PTPRD: variants seen among roughly 807,000 people sequenced by gnomAD.
The protein encoded by PTPRD is receptor-type tyrosine-protein phosphatase delta.
In PTPRD, 34 loss-of-function variants were observed where a neutral mutation model predicts 214.5. That is an observed-to-expected ratio of 0.16 (90% confidence interval 0.12 to 0.21). PTPRD has a LOEUF of 0.21. PTPRD is among the 10% of genes least tolerant of loss of function. The probability of loss-of-function intolerance (pLI) is 1.00; values close to 1 mark genes in which losing one functional copy is unlikely to be tolerated. For missense variants in PTPRD, 2,545 were observed against 2,398.7 expected (o/e 1.06, Z -1.27); for synonymous variants, 1,128 against 845.7 (o/e 1.33, Z -5.79).
intron 11 of PTPRD, among the ~76,000 whole-genome samples, chr9:8,850,726 A>G (rs1601848108): frequency 6.6e-6 from 1 of 152,204 alleles, no homozygotes; most frequent in African/African-American, 2.4e-5. Flanking sequence ...TCAACCAGAG[A>G]AGTCTGAATT....
At chr9:9,184,572 A>G (rs902601161) in intron 9 of PTPRD, among the ~76,000 whole-genome samples, 1 of 152,070 alleles carries the variant, frequency 6.6e-6, no homozygotes, top group Non-Finnish European at 1.5e-5. Flanking sequence ...TAGGACATCT[A>G]TTGGCACTGC....
chr9:10,271,534 C>CTTTTTTTTTTTTTTTTTTTTT (rs1251429330), intron 3 of PTPRD, among the ~76,000 whole-genome samples: 1 of 86,572 alleles, frequency 1.2e-5, no homozygotes, highest in African/African-American at 3.1e-5. Flanking sequence ...TCAATTGTTT[C>CTTTTTTTTTTTTTTTTTTTTT]TTTTCTTTTC....
chr9:9,298,616 A>T (rs187528965), intron 9 of PTPRD, among the ~76,000 whole-genome samples: 8 of 151,924 alleles, frequency 5.3e-5, no homozygotes, highest in Admixed American at 1.3e-4. Context: ...ATGATAACCA[A>T]ATCAGTAGAG....
chr9:10,481,238 A>G (rs1265127779), intron 2 of PTPRD, among the ~76,000 whole-genome samples: 1 of 152,178 alleles, frequency 6.6e-6, no homozygotes. Flanking sequence ...AATGAATGTC[A>G]TTTGGGTGAG....
chr9:10,265,165 G>A (rs1321950193), intron 3 of PTPRD, among the ~76,000 whole-genome samples: 1 of 152,118 alleles, frequency 6.6e-6, no homozygotes, highest in African/African-American at 2.4e-5. Flanking sequence ...TTTAGTCAAT[G>A]AGAAAATAGC....
At chr9:8,475,949 C>T (rs923226970) in intron 30 of PTPRD, among the ~76,000 whole-genome samples, 1 of 152,268 alleles carries the variant, frequency 6.6e-6, no homozygotes, top group Non-Finnish European at 1.5e-5. Context: ...ATTTGTTCTG[C>T]CATTTCCACT....
intron 2 of PTPRD, among the ~76,000 whole-genome samples, chr9:10,502,954 A>T (rs1199495784): frequency 1.3e-5 from 2 of 152,054 alleles, no homozygotes; most frequent in Non-Finnish European, 2.9e-5. Flanking sequence ...CAGTATCTGT[A>T]TTCTTTCCAT....
intron 3 of PTPRD, among the ~76,000 whole-genome samples, chr9:10,261,039 GTA>G (rs1462979208): frequency 7.0e-6 from 1 of 143,238 alleles, no homozygotes; most frequent in East Asian, 2.0e-4. Context: ...TTATATATGT[GTA>G]TATATATTAT....
At chr9:9,758,295 G>A (rs2382052) in intron 6 of PTPRD, among the ~76,000 whole-genome samples, 24,164 of 151,132 alleles carry the variant, frequency 0.16, 2,903 homozygotes, top group East Asian at 0.38. Context: ...TATTTTTATT[G>A]ATGTTTACTT....
intron 11 of PTPRD, among the ~76,000 whole-genome samples, chr9:8,998,804 G>T (rs1285351136): frequency 1.3e-5 from 2 of 150,128 alleles, no homozygotes; most frequent in African/African-American, 2.5e-5. Flanking sequence ...ATGGGTTAAG[G>T]CCAAAATATC....
chr9:9,080,096 G>A (rs1277730469), intron 10 of PTPRD, among the ~76,000 whole-genome samples: 3 of 151,910 alleles, frequency 2.0e-5, no homozygotes, highest in Middle Eastern at 3.2e-3. Context: ...CATAGTTATT[G>A]TCTATTGAGC....
At chr9:8,560,896 G>C (rs898718356) in intron 14 of PTPRD, among the ~76,000 whole-genome samples, 1 of 150,092 alleles carries the variant, frequency 6.7e-6, no homozygotes, top group Non-Finnish European at 1.5e-5. Context: ...TTTAGCCTAA[G>C]TGTAAATAAA....
intron 11 of PTPRD, among the ~76,000 whole-genome samples, chr9:9,015,522 T>C (rs968209276): frequency 1.3e-5 from 2 of 152,130 alleles, no homozygotes; most frequent in African/African-American, 4.8e-5. Flanking sequence ...GAAATAACCA[T>C]AAAAATGGGC....
At chr9:9,366,033 G>T (rs568221985) in intron 9 of PTPRD, among the ~76,000 whole-genome samples, 18 of 151,304 alleles carry the variant, frequency 1.2e-4, no homozygotes, top group Non-Finnish European at 2.4e-4. Context: ...TTCTGCCATT[G>T]AAGTTATCAA....
In PTPRD at chr9:8,449,822, G is replaced by A. The variant is rs377680593; in HGVS notation, c.3891C>T (p.Ser1297=). Reference sequence around the variant, plus strand: ...TCGGTATGCTGCTTTTTCTAGAGTCGGACTCTGCCCTCTTCCTATAGGGGG... The same window carrying A: ...TCGGTATGCTGCTTTTTCTAGAGTCAGACTCTGCCCTCTTCCTATAGGGGG... ...ILLYKRKRAE[S]DSRKSSIPNN... Residue 1297 remains serine, a synonymous_variant, in exon 34 of 46, where the codon TCC becomes TCT. Transcript: ENST00000381196. The A allele has an allele frequency of 3.3e-5, 54 of 1,613,724 alleles. No homozygotes were observed. The African/African-American group carries it at 4.1e-4, about 12-fold the overall frequency.
intron 9 of PTPRD, among the ~76,000 whole-genome samples, chr9:9,311,115 C>G (rs142114540): frequency 6.6e-6 from 1 of 151,726 alleles, no homozygotes; most frequent in East Asian, 1.9e-4. Context: ...AAAAGGCAAA[C>G]GCCAGCAATT....
At chr9:10,135,039 C>A (rs1243014560) in intron 3 of PTPRD, among the ~76,000 whole-genome samples, 1 of 152,114 alleles carries the variant, frequency 6.6e-6, no homozygotes, top group Non-Finnish European at 1.5e-5. Context: ...CCAAATTGAA[C>A]TCCTGGAATT....
At chr9:9,900,601 G>A (rs898794255) in intron 5 of PTPRD, among the ~76,000 whole-genome samples, 2 of 150,644 alleles carry the variant, frequency 1.3e-5, no homozygotes, top group Admixed American at 1.3e-4. Context: ...TTCCAAAGTC[G>A]GCCTGTTACC....
chr9:8,655,964 C>G (rs1209850377), intron 12 of PTPRD, among the ~76,000 whole-genome samples: 1 of 152,180 alleles, frequency 6.6e-6, no homozygotes, highest in Admixed American at 6.5e-5. Flanking sequence ...AGAGAAAGTC[C>G]TGTTCAAAGA....
Sources: allele counts gnomAD v4.1 joint callset (sites outside exome capture counted in the v4.1 genomes callset), GRCh38; gene constraint gnomAD v4.1.1; transcripts MANE v1.5; gene names NCBI Gene and HGNC (gene_info 2026-07-23, HGNC 2026-07-21).